SPATS2L: variants seen among roughly 807,000 people sequenced by gnomAD.
SPATS2L encodes the protein spermatogenesis associated serine rich 2 like.
A neutral mutation model predicts 59.6 loss-of-function variants in SPATS2L; 30 were observed. That is an observed-to-expected ratio of 0.50 (90% CI 0.38 to 0.68). The LOEUF is 0.68. Among genes scored for constraint, SPATS2L ranks in the 30% least tolerant of loss-of-function variants. The pLI, the probability that SPATS2L is intolerant of heterozygous loss-of-function variation, is 0.00. For missense variants in SPATS2L, 615 were observed against 700.0 expected (o/e 0.88, Z 1.37); for synonymous variants, 252 against 263.5 (o/e 0.96, Z 0.42).
chr2:200,351,342 T>C, intron 2 of SPATS2L: 2 of 471,046 alleles, frequency 4.2e-6, no homozygotes, highest in East Asian at 6.9e-5. Flanking sequence ...ATAAACTTAA[T>C]GTATGCTAGA....
At chr2:200,356,970 A>C (rs1393275670) in intron 2 of SPATS2L, among the ~76,000 whole-genome samples, 3 of 152,148 alleles carry the variant, frequency 2.0e-5, no homozygotes, top group African/African-American at 7.2e-5. Context: ...AGCCATCATG[A>C]CCTAATCACT....
intron 6 of SPATS2L, among the ~76,000 whole-genome samples, chr2:200,434,968 C>T (rs950738038): frequency 2.0e-5 from 3 of 152,038 alleles, no homozygotes; most frequent in South Asian, 2.1e-4. Context: ...GCAGCTAGAT[C>T]GGTGGAATAG....
chr2:200,472,744 T>G, intron 11 of SPATS2L, 88 bp from the exon 12 acceptor site: 1 of 1,163,682 alleles, frequency 8.6e-7, no homozygotes, highest in Non-Finnish European at 1.3e-6. Flanking sequence ...CCTGGCCAGT[T>G]TCTTCATCTT....
At chr2:200,409,870 A>G (rs1268214585) in intron 3 of SPATS2L, among the ~76,000 whole-genome samples, 1 of 152,206 alleles carries the variant, frequency 6.6e-6, no homozygotes, top group Non-Finnish European at 1.5e-5. Context: ...TTTCTTTTGA[A>G]GAAGGATAGG....
intron 3 of SPATS2L, among the ~76,000 whole-genome samples, chr2:200,405,903 C>T (rs559274731): frequency 7.4e-4 from 112 of 152,316 alleles, no homozygotes; most frequent in African/African-American, 2.6e-3. Context: ...CCAGGAGGCA[C>T]TCCATACATT....
intron 6 of SPATS2L, among the ~76,000 whole-genome samples, chr2:200,422,594 T>C (rs911134473): frequency 5.3e-5 from 8 of 151,706 alleles, no homozygotes; most frequent in Non-Finnish European, 1.2e-4. Context: ...GGTTAGTAGA[T>C]GTTCTTGCAA....
At chr2:200,336,606 A>G (rs2080151370) in intron 2 of SPATS2L, among the ~76,000 whole-genome samples, 1 of 152,158 alleles carries the variant, frequency 6.6e-6, no homozygotes, top group African/African-American at 2.4e-5. Context: ...TATCACAGCC[A>G]TTTCTAAAAC....
intron 2 of SPATS2L, among the ~76,000 whole-genome samples, chr2:200,374,020 A>G (rs1226776381): frequency 6.6e-6 from 1 of 152,208 alleles, no homozygotes; most frequent in Non-Finnish European, 1.5e-5. Context: ...TGCATTACGA[A>G]CAGAACAAAT....
intron 1 of SPATS2L, among the ~76,000 whole-genome samples, chr2:200,311,296 C>T (rs1251883170): frequency 6.6e-6 from 1 of 152,028 alleles, no homozygotes; most frequent in Non-Finnish European, 1.5e-5. Flanking sequence ...CATTTTTCTT[C>T]AGTAGTTCTA....
At chr2:200,319,839 G>A (rs1156686100) in intron 1 of SPATS2L, among the ~76,000 whole-genome samples, 1 of 152,170 alleles carries the variant, frequency 6.6e-6, no homozygotes, top group Non-Finnish European at 1.5e-5. Context: ...AGTGAATCAT[G>A]TGTGCCTACT....
At chr2:200,471,145 G>A (rs955583407) in intron 11 of SPATS2L, among the ~76,000 whole-genome samples, 4 of 152,022 alleles carry the variant, frequency 2.6e-5, no homozygotes, top group African/African-American at 7.3e-5. Context: ...CAGCCTGGGC[G>A]ACAGAGCGAG....
At position 200,336,450 on chromosome 2, in the gene SPATS2L, G is replaced by C. The variant is rs528558491; in HGVS notation, c.-23+6970G>C. Reference sequence around the variant, plus strand: ...CAAAATGTGAGTAGAAAATAACTTGGATACTACTGTCATGTATTTCAAAGG... The same window carrying C: ...CAAAATGTGAGTAGAAAATAACTTGCATACTACTGTCATGTATTTCAAAGG... On this transcript the variant is annotated intron_variant, in intron 2 of 12. Transcript: ENST00000409140. Among the ~76,000 whole-genome samples the C allele has an allele frequency of 8.5e-5, 13 of 152,160 alleles. No individual in the cohort carries two copies. The South Asian group carries it at 2.5e-3, about 29-fold the overall frequency.
intron 4 of SPATS2L, 93 bp downstream of exon 4, chr2:200,412,512 A>C (rs2082912109): frequency 1.5e-6 from 1 of 646,614 alleles, no homozygotes. Flanking sequence ...ATATCAATTC[A>C]TTATGTGTAC....
intron 1 of SPATS2L, among the ~76,000 whole-genome samples, chr2:200,328,683 C>A (rs988439837): frequency 6.6e-6 from 1 of 152,164 alleles, no homozygotes; most frequent in Non-Finnish European, 1.5e-5. Flanking sequence ...TGAATCCCCA[C>A]ACAGTACTCA....
chr2:200,417,479 T>C (rs923521541), intron 5 of SPATS2L, among the ~76,000 whole-genome samples: 18 of 152,142 alleles, frequency 1.2e-4, no homozygotes, highest in Non-Finnish European at 4.4e-5. Context: ...TAGACTTACA[T>C]AGAAAAATTT....
At chr2:200,445,005 A>ACT (rs978632193) in intron 8 of SPATS2L, among the ~76,000 whole-genome samples, 1 of 149,926 alleles carries the variant, frequency 6.7e-6, no homozygotes, top group African/African-American at 2.5e-5. Flanking sequence ...CTCTGTTGAG[A>ACT]CTCTCTCCCC....
At chr2:200,350,166 G>C in intron 2 of SPATS2L, among the ~76,000 whole-genome samples, 1 of 152,274 alleles carries the variant, frequency 6.6e-6, no homozygotes, top group Non-Finnish European at 1.5e-5. Flanking sequence ...AGGTGGGTCT[G>C]TTCCCCCTCT....
At position 200,306,766 on chromosome 2, in the gene SPATS2L, G is replaced by C. The variant is rs2079026697; in HGVS notation, c.-229G>C. 2 of 982,362 alleles carry C rather than the reference G, an allele frequency of 2.0e-6. No individual in the cohort carries two copies. Among genetic ancestry groups the C allele is most frequent in the South Asian group, 4.7e-5 (1 of 21,276 alleles). 60.9% of individuals were successfully genotyped at this position (982,362 alleles called of 1,614,324 possible). On this transcript the variant is annotated 5_prime_UTR_variant, in exon 1 of 13. Transcript: ENST00000409140. ...CTCCGCTGCAAGCGCCGGCAGCGCG[G>C]GGCGAGCTCCGGACGGCGCGCGGCC...
At chr2:200,439,422 T>A in intron 7 of SPATS2L, 94 bp downstream of exon 7, 1 of 1,021,480 alleles carries the variant, frequency 9.8e-7, no homozygotes, top group Non-Finnish European at 1.5e-6. Context: ...TGCTGCTTAG[T>A]GAAGAGAGAT....
Sources: gnomAD v4.1 joint callset for allele counts (sites outside exome capture counted in the v4.1 genomes callset) on GRCh38, gnomAD v4.1.1 for gene constraint, MANE v1.5 for transcripts, NCBI Gene and HGNC (gene_info 2026-07-23, HGNC 2026-07-21) for gene names.